The following POLA1 variants were observed in gnomAD, a reference collection of about 807,000 sequenced individuals.
POLA1 encodes the protein DNA polymerase alpha 1, catalytic subunit.
A neutral mutation model predicts 124.0 loss-of-function variants in POLA1; 15 were observed. The ratio of observed to expected loss-of-function variants is 0.12; its 90% CI spans 0.08 to 0.19. The LOEUF (loss-of-function observed/expected upper bound fraction) is 0.19. POLA1 is among the 10% of genes least tolerant of loss of function. The probability of loss-of-function intolerance (pLI) is 1.00; values close to 1 mark genes in which losing one functional copy is unlikely to be tolerated. For synonymous variants in POLA1, 408 were observed against 389.4 expected, an observed-to-expected ratio of 1.05 and a Z score of -0.56; for missense variants, 886 against 1,103.4, an observed-to-expected ratio of 0.80 and a Z score of 2.79.
At chrX:24,764,183 C>T (rs1048163841) in intron 26 of POLA1, among the ~76,000 whole-genome samples, 3 of 112,126 alleles carry the variant, frequency 2.7e-5, no homozygotes, top group East Asian at 2.8e-4. Flanking sequence ...CCTTGAAATG[C>T]GTTTGATACA....
chrX:24,713,362 A>G (rs1467289208), intron 4 of POLA1, among the ~76,000 whole-genome samples: 1 of 111,725 alleles, frequency 9.0e-6, no homozygotes, highest in African/African-American at 3.3e-5. Context: ...GTATTAGAAA[A>G]GTTTGTAGGT....
intron 36 of POLA1, among the ~76,000 whole-genome samples, chrX:24,970,218 A>G (rs1169219705): frequency 8.9e-6 from 1 of 112,184 alleles, no homozygotes; most frequent in Non-Finnish European, 1.9e-5. Flanking sequence ...AGGATTCCCT[A>G]TTTAATAAAT....
chrX:24,749,900 G>A (rs1185097103), intron 26 of POLA1, among the ~76,000 whole-genome samples: 1 of 111,845 alleles, frequency 8.9e-6, no homozygotes. Context: ...GAATAGTTAC[G>A]CTGAATATTA....
intron 26 of POLA1, among the ~76,000 whole-genome samples, chrX:24,785,109 A>AGT (rs2148458352): frequency 8.9e-6 from 1 of 112,352 alleles, no homozygotes; most frequent in East Asian, 2.8e-4. Flanking sequence ...TAGGTTCTTA[A>AGT]GTGTTACAAA....
intron 34 of POLA1, among the ~76,000 whole-genome samples, chrX:24,871,687 G>C (rs2046866766): frequency 9.0e-6 from 1 of 110,628 alleles, no homozygotes; most frequent in Admixed American, 9.6e-5. Context: ...CTTTATGAAA[G>C]AAGGGACTGA....
At chrX:24,715,090 G>A in intron 5 of POLA1, 51 bp from the exon 6 acceptor site, 2 of 884,547 alleles carry the variant, frequency 2.3e-6, no homozygotes, top group Non-Finnish European at 3.3e-6. Flanking sequence ...GTTTTGGTGA[G>A]ACATTTTAAG....
chrX:24,703,361 A>C lies in POLA1; in HGVS notation c.265+14A>C. ...TTGTGGATGATGGTAGGTGGGGCGG[A>C]GGTGGGGGCGGGGATGTTGCTTCCT... is the stretch of plus-strand genomic sequence containing the variant. On this transcript the variant is annotated intron_variant, in intron 3 of 36. Transcript: ENST00000379068. 2 of 695,445 alleles carry C rather than the reference A, an allele frequency of 2.9e-6. No homozygotes were observed. The highest frequency in any genetic ancestry group is 4.4e-6 in the Non-Finnish European group (2 of 451,096). The allele number at this position is 695,445 out of a possible 1,213,427, so 57.3% of individuals were successfully genotyped here.
At chrX:24,735,574 A>ACC in intron 18 of POLA1, 86 bp downstream of exon 18, 2 of 556,013 alleles carry the variant, frequency 3.6e-6, no homozygotes, top group East Asian at 3.4e-5. Context: ...TTTGAGCAGC[A>ACC]AATAATCTTT....
Position 24,749,048 on chromosome X carries a change from A to T in POLA1, c.2964+56A>T. 4 of 974,955 alleles carry T rather than the reference A, an allele frequency of 4.1e-6. No homozygotes were observed. The East Asian group carries it at 1.2e-4, about 30-fold the overall frequency. 80.3% of individuals were successfully genotyped at this position (974,955 alleles called of 1,213,427 possible). ...GATATGAGAGTATTTTTAACTATAC[A>T]TGTTATAGTGTGGGAGAGTCAAGTT... On this transcript the variant is annotated intron_variant, in intron 26 of 36. Transcript: ENST00000379068.
intron 1 of POLA1, among the ~76,000 whole-genome samples, chrX:24,698,823 T>A (rs1928209259): frequency 9.1e-6 from 1 of 110,459 alleles, no homozygotes; most frequent in Non-Finnish European, 1.9e-5. Flanking sequence ...CTGGCTAATT[T>A]TGTATTTTTA....
In POLA1 at chrX:24,726,934, C is replaced by T; in HGVS notation, c.1394C>T (p.Ala465Val). The change falls in exon 14 of 37, where the codon GCT (alanine) becomes GTT (valine). Residue 465 changes from alanine (A) to valine (V), a missense_variant and splice_region_variant. Coordinates refer to ENST00000379068, the MANE Select transcript of POLA1 (RefSeq NM_001330360.2). ...TTCTTTTTTTTTTTCCTTTTTCAGG[C>T]TGAAATGCCACAGCTTCCTCAAGAT... ...KSEYLEVKYS[A>V]EMPQLPQDLK... 8.6e-7 allele frequency: 1 copy of T among 1,164,015 alleles called. No individual in the cohort carries two copies. Among genetic ancestry groups the T allele is most frequent in the Admixed American group, 2.7e-5 (1 of 37,237 alleles).
chrX:24,714,575 A>G lies in POLA1; in HGVS notation c.368A>G (p.Asn123Ser), dbSNP rs991049806. ...ATAGGAAAAGATGGTAAAGCACGCA[A>G]TAAAGACAAGAGGAATGTAAAGAAG... ...DEKGKDGKAR[N>S]KDKRNVKKLA... The change falls in exon 5 of 37, where the codon AAT becomes AGT. Residue 123 changes from asparagine to serine, a missense_variant. By Grantham distance (46) the Asn-to-Ser change is conservative. Transcript: ENST00000379068. 3.4e-6 allele frequency: 4 copies of G among 1,187,630 alleles called. No individual in the cohort carries two copies. Among genetic ancestry groups the G allele is most frequent in the South Asian group, 1.8e-5 (1 of 54,159 alleles).
chrX:24,818,882 C>T (rs1435286663), intron 30 of POLA1, among the ~76,000 whole-genome samples: 2 of 112,124 alleles, frequency 1.8e-5, no homozygotes, highest in Admixed American at 9.5e-5. Context: ...TCTGTTGTGA[C>T]ATGTGGTTTG....
intron 26 of POLA1, among the ~76,000 whole-genome samples, chrX:24,805,668 A>G (rs141728753): frequency 0.029 from 3,252 of 111,893 alleles, 66 homozygotes; most frequent in Admixed American, 0.065. Flanking sequence ...TTATTTTTTT[A>G]TACTTGAAGT....
intron 36 of POLA1, 25 bp downstream of exon 36, chrX:24,930,574 T>A (rs1234234021): frequency 1.0e-6 from 1 of 965,938 alleles, no homozygotes; most frequent in East Asian, 3.1e-5. Context: ...TGTAATTACC[T>A]TTGAGTTTAA....
At chrX:24,778,129 GTTA>G (rs1275486919) in intron 26 of POLA1, among the ~76,000 whole-genome samples, 1 of 112,256 alleles carries the variant, frequency 8.9e-6, no homozygotes, top group African/African-American at 3.2e-5. Context: ...GATGTGATTT[GTTA>G]TTCGGATTTA....
intron 36 of POLA1, among the ~76,000 whole-genome samples, chrX:24,976,125 A>G (rs1453758032): frequency 1.2e-4 from 13 of 112,225 alleles, no homozygotes; most frequent in Non-Finnish European, 2.4e-4. Flanking sequence ...TGTTTTACCT[A>G]TTTAAAAACA....
intron 36 of POLA1, among the ~76,000 whole-genome samples, chrX:24,972,005 A>G (rs2048308789): frequency 1.0e-5 from 1 of 99,482 alleles, no homozygotes; most frequent in Non-Finnish European, 2.0e-5. Context: ...TTTCACTCTT[A>G]TCACCCAGGC....
intron 35 of POLA1, among the ~76,000 whole-genome samples, chrX:24,915,400 C>T (rs950574341): frequency 1.8e-5 from 2 of 111,834 alleles, no homozygotes; most frequent in Non-Finnish European, 3.8e-5. Flanking sequence ...ATTCTTGATA[C>T]ACTTTGTGGA....
Sources: allele counts gnomAD v4.1 joint callset (sites outside exome capture counted in the v4.1 genomes callset), GRCh38; gene constraint gnomAD v4.1.1; transcripts MANE v1.5; gene names NCBI Gene and HGNC (gene_info 2026-07-23, HGNC 2026-07-21).